The following NSD2 variants were observed in gnomAD, a reference collection of about 807,000 sequenced individuals.
The protein encoded by NSD2 is nuclear receptor binding SET domain protein 2, also known as histone-lysine N-methyltransferase NSD2.
Under a neutral mutation model 139.0 loss-of-function variants are expected in NSD2, and 12 were observed. The ratio of observed to expected loss-of-function variants is 0.09; its 90% CI spans 0.06 to 0.14. The LOEUF is 0.14. Among genes scored for constraint, NSD2 ranks in the 10% least tolerant of loss-of-function variants. The pLI, the probability that NSD2 is intolerant of heterozygous loss-of-function variation, is 1.00. For missense variants in NSD2, 1,155 were observed against 1,745.0 expected (o/e 0.66, Z 6.02); for synonymous variants, 669 against 648.7 (o/e 1.03, Z -0.48).
chr4:1,974,840 G>A lies in NSD2; in HGVS notation c.3373-23G>A, dbSNP rs542344308. On this transcript the variant is annotated intron_variant, in intron 18 of 21. Coordinates refer to ENST00000508803, the MANE Select transcript of NSD2 (RefSeq NM_001042424.3). This position sits in a 1 kb window ranked among gnomAD's most constrained non-coding sequence, Gnocchi z 4.0. ...AACATGCGATTGCTAACACTTGACC[G>A]AATATATCACTTGACCTTACAGGAC... The A allele has an allele frequency of 3.7e-5, 60 of 1,613,586 alleles. No individual in the cohort carries two copies. The East Asian group carries it at 4.9e-4, about 13-fold the overall frequency.
chr4:1,973,357 G>A lies in NSD2; in HGVS notation c.3373-1506G>A, dbSNP rs529957566. Among the ~76,000 whole-genome samples, 28 of 152,314 alleles carry A rather than the reference G, an allele frequency of 1.8e-4. No individual in the cohort carries two copies. Among genetic ancestry groups the A allele is most frequent in the African/African-American group, 5.5e-4 (23 of 41,564 alleles). On this transcript the variant is annotated intron_variant, in intron 18 of 21. Coordinates refer to ENST00000508803, the MANE Select transcript of NSD2 (RefSeq NM_001042424.3). The surrounding 1 kb of genome is among the most constrained non-coding windows in gnomAD (Gnocchi z 5.5). ...GCGTCAGAGGCTGGGTTGTCCTGTT[G>A]GCATTGGTGGCATGTCCCATGTGCA...
intron 18 of NSD2, among the ~76,000 whole-genome samples, chr4:1,961,535 T>C (rs1277864939): frequency 1.3e-5 from 2 of 152,246 alleles, no homozygotes; most frequent in African/African-American, 4.8e-5. Flanking sequence ...GGTCTCAGCA[T>C]CTTCTCTGTT....
rs1189008609 is a variant in NSD2, at chr4:1,939,696, G to A, written c.1799G>A (p.Arg600Gln). ...GATGCATGTAAACCACTGAAGAAGC[G>A]AAATCGGGCTTCCACGGCAGCATCT... ...LSDACKPLKK[R>Q]NRASTAASSA... The change falls in exon 9 of 22, where the codon CGA (arginine) becomes CAA (glutamine). Residue 600 changes from arginine (R) to glutamine (Q), a missense_variant. Around this residue, in one of 8 missense-constraint regions of NSD2, gnomAD observed 420 missense variants for 469.0 expected, o/e 0.90. Coordinates refer to ENST00000508803, the MANE Select transcript of NSD2 (RefSeq NM_001042424.3). 1 of 1,614,204 alleles carries A rather than the reference G, an allele frequency of 6.2e-7. No individual in the cohort carries two copies. The highest frequency in any genetic ancestry group is 8.5e-7 in the Non-Finnish European group (1 of 1,180,034).
intron 18 of NSD2, among the ~76,000 whole-genome samples, chr4:1,964,067 C>G (rs773634505): frequency 6.6e-6 from 1 of 152,146 alleles, no homozygotes; most frequent in South Asian, 2.1e-4. Flanking sequence ...AGGTGACCCT[C>G]GTGAGCAGAC....
chr4:1,891,717 C>T (rs1293247178), intron 1 of NSD2, among the ~76,000 whole-genome samples: 4 of 151,984 alleles, frequency 2.6e-5, no homozygotes, highest in South Asian at 2.1e-4. Context: ...ATTAGCCGGG[C>T]GTGGTGGTCG....
At chr4:1,947,023 TG>T in intron 9 of NSD2, 1 of 1,063,348 alleles carries the variant, frequency 9.4e-7, no homozygotes, top group Non-Finnish European at 1.1e-6. Flanking sequence ...GAGGTAGGGG[TG>T]GGGGTCCTGG....
intron 1 of NSD2, among the ~76,000 whole-genome samples, chr4:1,887,009 TG>T (rs1488347233): frequency 2.0e-5 from 3 of 152,204 alleles, no homozygotes; most frequent in Non-Finnish European, 2.9e-5. Flanking sequence ...GGTGGTTTGA[TG>T]ATCTATTCCA....
At chr4:1,936,805 T>C (rs1235262769) in intron 7 of NSD2, among the ~76,000 whole-genome samples, 1 of 152,220 alleles carries the variant, frequency 6.6e-6, no homozygotes. Context: ...ATCTCACATA[T>C]TGCTAAGGTG....
In NSD2 at chr4:1,948,205, TG is replaced by T; in HGVS notation, c.1882-2865del. 1 of 1,064,130 alleles carries T rather than the reference TG, an allele frequency of 9.4e-7. No homozygotes were observed. Among genetic ancestry groups the T allele is most frequent in the Non-Finnish European group, 1.1e-6 (1 of 878,272 alleles). The allele number at this position is 1,064,130 out of a possible 1,614,324, so 65.9% of individuals were successfully genotyped here. A position where few individuals can be genotyped will look rare whatever the true frequency, so the allele number is the denominator to read the frequency against. ...CTGCTCGGAGCTCAGTGCCGCAGCA[TG>T]GCTGTGGTGGACGCGGGAAACAACG... On this transcript the variant is annotated intron_variant, in intron 9 of 21. Transcript: ENST00000508803. The surrounding 1 kb of genome is among the most constrained non-coding windows in gnomAD (Gnocchi z 4.5).
At chr4:1,971,197 A>C (rs572211378) in intron 18 of NSD2, among the ~76,000 whole-genome samples, 1 of 150,268 alleles carries the variant, frequency 6.7e-6, no homozygotes, top group African/African-American at 2.4e-5. Context: ...TGTCTCAATT[A>C]AAAAAAAATT....
chr4:1,967,717 A>T (rs1726033934), intron 18 of NSD2, among the ~76,000 whole-genome samples: 1 of 152,206 alleles, frequency 6.6e-6, no homozygotes, highest in Non-Finnish European at 1.5e-5. Flanking sequence ...TGACACAGTC[A>T]GTGTTGCCAG....
At chr4:1,877,958 G>GT (rs1346322450) in intron 1 of NSD2, among the ~76,000 whole-genome samples, 1 of 152,108 alleles carries the variant, frequency 6.6e-6, no homozygotes, top group Non-Finnish European at 1.5e-5. Flanking sequence ...CAGCCCAGGA[G>GT]TTTGAGGTTG....
chr4:1,944,292 T>C (rs547215200), intron 9 of NSD2: 1 of 1,066,246 alleles, frequency 9.4e-7, no homozygotes, highest in African/African-American at 1.6e-5. Flanking sequence ...ACGGCTCTTG[T>C]TTGAAAGAAC....
At chr4:1,947,014 A>AG (rs766541251) in intron 9 of NSD2, 563 of 1,063,068 alleles carry the variant, frequency 5.3e-4, no homozygotes, top group Non-Finnish European at 6.3e-4. Context: ...GAAATGACTG[A>AG]GGTAGGGGTG....
intron 1 of NSD2, among the ~76,000 whole-genome samples, chr4:1,892,628 T>C (rs1038326024): frequency 4.6e-5 from 7 of 151,852 alleles, no homozygotes; most frequent in Admixed American, 2.0e-4. Context: ...TGTAGTGGCC[T>C]GATCTCGGCT....
At chr4:1,894,531 G>C (rs778205471) in intron 1 of NSD2, among the ~76,000 whole-genome samples, 53 of 152,030 alleles carry the variant, frequency 3.5e-4, no homozygotes, top group Non-Finnish European at 1.3e-4. Flanking sequence ...AAATTAGCCA[G>C]TGTGGTGGTG....
At chr4:1,888,410 C>CAAAA (rs61397233) in intron 1 of NSD2, among the ~76,000 whole-genome samples, 4 of 53,230 alleles carry the variant, frequency 7.5e-5, no homozygotes, top group Admixed American at 6.8e-4. Context: ...GAGATTGCCT[C>CAAAA]AAAAAAAAAA....
chr4:1,942,234 A>G lies in NSD2; in HGVS notation c.1881+2456A>G, dbSNP rs1447866178. 6.5e-6 allele frequency: 10 copies of G among 1,538,268 alleles called. No homozygotes were observed. The highest frequency in any genetic ancestry group is 2.1e-5 in the Admixed American group (1 of 48,248). On this transcript the variant is annotated intron_variant, in intron 9 of 21. Coordinates refer to ENST00000508803, the MANE Select transcript of NSD2 (RefSeq NM_001042424.3). The surrounding 1 kb of genome is among the most constrained non-coding windows in gnomAD (Gnocchi z 4.0). ...TAAATTAAAATTACACACTTGCATG[A>G]CAAAGGCCTGTGAAGGAATTAATGT... is the stretch of plus-strand genomic sequence containing the variant.
In NSD2 at chr4:1,981,493, A is replaced by C. The variant is rs1365895603; in HGVS notation, c.*2584A>C. The C allele has an allele frequency of 3.9e-6, 1 of 253,396 alleles. No individual in the cohort carries two copies. Among genetic ancestry groups the C allele is most frequent in the Non-Finnish European group, 7.6e-6 (1 of 132,338 alleles). 15.7% of individuals were successfully genotyped at this position (253,396 alleles called of 1,614,324 possible). The stretch of plus-strand genomic sequence containing the variant: ...CCCCAATCCCTCAGGATTCCTTGGC[A>C]TCCGAAACCAGCATCTGCACCTAAA... On this transcript the variant is annotated 3_prime_UTR_variant, in exon 22 of 22. Coordinates refer to ENST00000508803, the MANE Select transcript of NSD2 (RefSeq NM_001042424.3).
Sources: gnomAD v4.1 joint callset for allele counts (sites outside exome capture counted in the v4.1 genomes callset) on GRCh38, gnomAD v4.1.1 for gene constraint, gnomAD v4.1.1 regional missense constraint, Gnocchi (gnomAD v3.1) non-coding constraint, MANE v1.5 for transcripts, NCBI Gene and HGNC (gene_info 2026-07-23, HGNC 2026-07-21) for gene names.